Variants in UTRN observed in about 807,000 individuals in gnomAD.
UTRN encodes utrophin.
In UTRN, 283 loss-of-function variants were observed where a neutral mutation model predicts 463.9. The ratio of observed to expected loss-of-function variants is 0.61; its 90% CI spans 0.55 to 0.67. The LOEUF (loss-of-function observed/expected upper bound fraction) is 0.67, where lower values mean the gene tolerates loss of function less well. Among genes scored for constraint, UTRN ranks in the 30% least tolerant of loss-of-function variants. The pLI is 0.00. For missense variants in UTRN, 3,922 were observed against 4,084.3 expected, an observed-to-expected ratio of 0.96 and a Z score of 1.08; for synonymous variants, 1,442 against 1,431.5, an observed-to-expected ratio of 1.01 and a Z score of -0.17.
At position 144,777,999 on chromosome 6, in the gene UTRN, T is replaced by C. The variant is rs568514697; in HGVS notation, c.8632+3635T>C. ...TTCGGTTTTTTTCCTCAAGTTCTTATTGTGTTGTATTTCATGTTTGGATAT... is the reference window on the plus strand; with the variant it reads ...TTCGGTTTTTTTCCTCAAGTTCTTACTGTGTTGTATTTCATGTTTGGATAT... On this transcript the variant is annotated intron_variant, in intron 60 of 74. Coordinates refer to ENST00000367545, the MANE Select transcript of UTRN (RefSeq NM_007124.3). Among the ~76,000 whole-genome samples, 8 of 152,320 alleles carry C rather than the reference T, an allele frequency of 5.3e-5. No individual in the cohort carries two copies. The South Asian group carries it at 1.4e-3, about 28-fold the overall frequency.
At chr6:144,682,131 C>G (rs934427909) in intron 52 of UTRN, among the ~76,000 whole-genome samples, 39 of 152,096 alleles carry the variant, frequency 2.6e-4, no homozygotes, top group African/African-American at 9.4e-4. Context: ...ACTTCCTCCC[C>G]ATCACCCCCC....
intron 5 of UTRN, 38 bp downstream of exon 5, chr6:144,423,664 C>A: frequency 6.2e-7 from 1 of 1,603,626 alleles, no homozygotes; most frequent in Non-Finnish European, 8.5e-7. Context: ...TCTGTGCTGC[C>A]ATCAGCATTA....
In UTRN at chr6:144,835,887, A is replaced by T; in HGVS notation, c.9773A>T (p.Glu3258Val). The change falls in exon 70 of 75, where the codon GAA (glutamate) becomes GTA (valine). Residue 3258 changes from glutamate to valine, a missense_variant. Around this residue, in one of 3 missense-constraint regions of UTRN, gnomAD observed 1,309 missense variants for 1,452.6 expected, o/e 0.90. Coordinates refer to ENST00000367545, the MANE Select transcript of UTRN (RefSeq NM_007124.3). ...CAGATCCTGAAGTCAGTAGAGAGGG[A>T]AGAACGTGGAGAACTGGAGAGGATC... ...PAQILKSVER[E>V]ERGELERIIA... The T allele has an allele frequency of 6.2e-7, 1 of 1,614,138 alleles. No homozygotes were observed. Among genetic ancestry groups the T allele is most frequent in the Non-Finnish European group, 8.5e-7 (1 of 1,179,996 alleles).
chr6:144,659,408 T>G (rs1187828194), intron 51 of UTRN, among the ~76,000 whole-genome samples: 1 of 152,144 alleles, frequency 6.6e-6, no homozygotes, highest in Non-Finnish European at 1.5e-5. Flanking sequence ...CTGAGGCTGC[T>G]CTCCCCTGCC....
At chr6:144,450,105 G>T (rs1016248223) in intron 17 of UTRN, among the ~76,000 whole-genome samples, 1 of 152,028 alleles carries the variant, frequency 6.6e-6, no homozygotes, top group Non-Finnish European at 1.5e-5. Context: ...CCTTCCCACT[G>T]TTACTATCTT....
intron 2 of UTRN, among the ~76,000 whole-genome samples, chr6:144,396,179 A>T (rs1782393539): frequency 6.6e-6 from 1 of 152,212 alleles, no homozygotes; most frequent in Admixed American, 6.5e-5. Flanking sequence ...CACACAATGG[A>T]ATATTTTTTA....
At chr6:144,824,516 T>TACAC (rs1779904673) in intron 66 of UTRN, among the ~76,000 whole-genome samples, 1 of 139,510 alleles carries the variant, frequency 7.2e-6, no homozygotes, top group African/African-American at 2.6e-5. Flanking sequence ...ATTGTATATA[T>TACAC]ATGTATATAT....
At chr6:144,476,840 G>A (rs529929946) in intron 25 of UTRN, among the ~76,000 whole-genome samples, 43 of 152,308 alleles carry the variant, frequency 2.8e-4, no homozygotes, top group African/African-American at 9.9e-4. Flanking sequence ...GGGAACTGAG[G>A]AGCTGGGACA....
intron 51 of UTRN, among the ~76,000 whole-genome samples, chr6:144,585,844 C>T (rs1191118970): frequency 6.6e-6 from 1 of 151,896 alleles, no homozygotes; most frequent in African/African-American, 2.4e-5. Context: ...GAAAAAAATG[C>T]TTTAAGTTTG....
In UTRN at chr6:144,849,752, T is replaced by C. The variant is rs548601257; in HGVS notation, c.10294-1237T>C. Among the ~76,000 whole-genome samples, 330 of 152,344 alleles carry C rather than the reference T, an allele frequency of 2.2e-3. 2 individuals carry two copies. In the South Asian group the frequency reaches 0.026, roughly 12 times the overall value. On this transcript the variant is annotated intron_variant, in intron 74 of 74. Coordinates refer to ENST00000367545, the MANE Select transcript of UTRN (RefSeq NM_007124.3). The stretch of plus-strand genomic sequence containing the variant: ...CTGACACCTAAAATGAGCAGTATTG[T>C]GTGTCCAATTAATAGACACATCTCA...
At chr6:144,590,570 T>C (rs1585430134) in intron 51 of UTRN, among the ~76,000 whole-genome samples, 2 of 152,224 alleles carry the variant, frequency 1.3e-5, no homozygotes, top group Admixed American at 6.5e-5. Flanking sequence ...TCAAAGAACA[T>C]GTATTGAATG....
intron 34 of UTRN, among the ~76,000 whole-genome samples, chr6:144,504,764 C>A (rs565291128): frequency 6.6e-6 from 1 of 152,254 alleles, no homozygotes; most frequent in Admixed American, 6.5e-5. Flanking sequence ...CAGGATGATG[C>A]TGGCCTCATA....
intron 51 of UTRN, among the ~76,000 whole-genome samples, chr6:144,649,308 T>C (rs1043044970): frequency 7.9e-5 from 12 of 152,202 alleles, no homozygotes; most frequent in Admixed American, 6.5e-5. Flanking sequence ...GCCTGGTAGG[T>C]AGGATAAGGC....
intron 53 of UTRN, among the ~76,000 whole-genome samples, chr6:144,703,850 CAGAT>C (rs1784824945): frequency 1.3e-5 from 2 of 152,110 alleles, no homozygotes; most frequent in South Asian, 4.1e-4. Context: ...ACAGAAAAAT[CAGAT>C]AGTAGCTGAA....
At chr6:144,437,429 C>T (rs1221309657) in intron 10 of UTRN, 136 bp from the exon 11 acceptor site, 3 of 739,662 alleles carry the variant, frequency 4.1e-6, no homozygotes, top group Non-Finnish European at 6.0e-6. Flanking sequence ...TGGTCAATGT[C>T]TATTTTATTT....
At chr6:144,766,998 TTGG>T (rs779355804) in intron 58 of UTRN, among the ~76,000 whole-genome samples, 6 of 151,738 alleles carry the variant, frequency 4.0e-5, no homozygotes, top group Non-Finnish European at 8.8e-5. Context: ...GTTTCCTGAG[TTGG>T]TGGTGGAGAG....
At chr6:144,567,125 C>T (rs1443452035) in intron 50 of UTRN, among the ~76,000 whole-genome samples, 2 of 151,966 alleles carry the variant, frequency 1.3e-5, no homozygotes, top group Admixed American at 6.6e-5. Context: ...CCAGCCTTGG[C>T]GACAGAACCA....
intron 54 of UTRN, among the ~76,000 whole-genome samples, chr6:144,740,272 T>C (rs1789903758): frequency 6.6e-6 from 1 of 152,246 alleles, no homozygotes. Flanking sequence ...ATTTTCATTT[T>C]CTTCGATTTT....
At position 144,514,806 on chromosome 6, in the gene UTRN, A is replaced by C. The variant is rs144388800; in HGVS notation, c.5230A>C (p.Ile1744Leu). Residue 1744 changes from isoleucine to leucine, a missense_variant, in exon 37 of 75, where the codon ATC becomes CTC. Coordinates refer to ENST00000367545, the MANE Select transcript of UTRN (RefSeq NM_007124.3). ...NRNFEKVSQH[I>L]KSAKLLIAQE... ...GAACTTTGAAAAGGTGTCTCAACAT[A>C]TCAAAAGTGCCAAAGTGAGTAATTA... is the stretch of plus-strand genomic sequence containing the variant. 2,843 of 1,612,914 alleles carry C rather than the reference A, an allele frequency of 1.8e-3. 2 individuals carry two copies. The highest frequency in any genetic ancestry group is 2.8e-3 in the Middle Eastern group (17 of 6,050).
Sources: gnomAD v4.1 joint callset for allele counts (sites outside exome capture counted in the v4.1 genomes callset) on GRCh38, gnomAD v4.1.1 for gene constraint, gnomAD v4.1.1 regional missense constraint, MANE v1.5 for transcripts, NCBI Gene and HGNC (gene_info 2026-07-23, HGNC 2026-07-21) for gene names.